Variants in ZFPM2 observed in about 807,000 individuals in gnomAD.
ZFPM2 encodes the protein zinc finger protein ZFPM2.
In ZFPM2, 20 loss-of-function variants were observed where a neutral mutation model predicts 98.6. That is an observed-to-expected ratio of 0.20 (90% CI 0.14 to 0.29). The LOEUF (loss-of-function observed/expected upper bound fraction) is 0.29. Among genes scored for constraint, ZFPM2 ranks in the 10% least tolerant of loss-of-function variants. The pLI is 1.00. For missense variants in ZFPM2, 1,310 were observed against 1,388.6 expected, an observed-to-expected ratio of 0.94 and a Z score of 0.90; for synonymous variants, 518 against 502.7, an observed-to-expected ratio of 1.03 and a Z score of -0.41.
At chr8:105,716,624 T>C (rs1811529951) in intron 5 of ZFPM2, among the ~76,000 whole-genome samples, 1 of 152,028 alleles carries the variant, frequency 6.6e-6, no homozygotes, top group African/African-American at 2.4e-5. Flanking sequence ...GTGCTCTTAT[T>C]ATCAAGGATT....
chr8:105,448,519 A>AT (rs537018995), intron 3 of ZFPM2, among the ~76,000 whole-genome samples: 105 of 151,990 alleles, frequency 6.9e-4, no homozygotes, highest in African/African-American at 2.4e-3. Context: ...CTGTATTCTC[A>AT]TTTTTTTGAT....
intron 1 of ZFPM2, among the ~76,000 whole-genome samples, chr8:105,323,149 C>G (rs1232477816): frequency 1.3e-5 from 2 of 151,808 alleles, no homozygotes; most frequent in East Asian, 3.9e-4. Context: ...AGTCTTTCTT[C>G]TATTGATATT....
intron 2 of ZFPM2, among the ~76,000 whole-genome samples, chr8:105,443,268 C>T (rs1212313317): frequency 6.9e-6 from 1 of 143,970 alleles, no homozygotes; most frequent in Non-Finnish European, 1.5e-5. Context: ...GAAATTGCAC[C>T]ATTGCACTCC....
chr8:105,492,298 C>T (rs1278949396), intron 3 of ZFPM2, among the ~76,000 whole-genome samples: 1 of 152,114 alleles, frequency 6.6e-6, no homozygotes, highest in Non-Finnish European at 1.5e-5. Context: ...TATCTGTATA[C>T]CAATTACATA....
intron 4 of ZFPM2, among the ~76,000 whole-genome samples, chr8:105,613,872 A>G (rs1353841433): frequency 1.3e-5 from 2 of 152,206 alleles, no homozygotes; most frequent in Non-Finnish European, 2.9e-5. Context: ...TGGAAGGTAC[A>G]TGAGAAGTTA....
intron 4 of ZFPM2, among the ~76,000 whole-genome samples, chr8:105,611,471 T>G (rs1482459664): frequency 6.6e-6 from 1 of 152,058 alleles, no homozygotes; most frequent in Non-Finnish European, 1.5e-5. Flanking sequence ...TTTTGGCACA[T>G]GGAGTAATTT....
chr8:105,349,180 G>A (rs1336761180), intron 1 of ZFPM2, among the ~76,000 whole-genome samples: 1 of 152,014 alleles, frequency 6.6e-6, no homozygotes, highest in Non-Finnish European at 1.5e-5. Context: ...TTTAAGGCCA[G>A]AATTCTGAAA....
intron 5 of ZFPM2, among the ~76,000 whole-genome samples, chr8:105,750,471 A>T (rs1812450644): frequency 6.6e-6 from 1 of 152,092 alleles, no homozygotes; most frequent in Admixed American, 6.6e-5. Flanking sequence ...TACGTTTTAA[A>T]ATTAATATCA....
intron 4 of ZFPM2, among the ~76,000 whole-genome samples, chr8:105,581,933 A>T (rs1815610565): frequency 6.6e-6 from 1 of 152,180 alleles, no homozygotes; most frequent in South Asian, 2.1e-4. Context: ...ATCCCAACCT[A>T]TTCTGTTTAA....
At chr8:105,380,594 A>G (rs1207041687) in intron 1 of ZFPM2, among the ~76,000 whole-genome samples, 1 of 53,178 alleles carries the variant, frequency 1.9e-5, no homozygotes, top group Non-Finnish European at 3.3e-5. Context: ...CTATCGGTAT[A>G]TATATATTAT....
At chr8:105,449,786 C>T (rs1214756852) in intron 3 of ZFPM2, among the ~76,000 whole-genome samples, 2 of 151,988 alleles carry the variant, frequency 1.3e-5, no homozygotes, top group African/African-American at 2.4e-5. Flanking sequence ...TGAGATTTTA[C>T]ATCTAAAGCA....
chr8:105,589,712 TC>T (rs1230794046), intron 4 of ZFPM2, among the ~76,000 whole-genome samples: 1 of 152,140 alleles, frequency 6.6e-6, no homozygotes, highest in African/African-American at 2.4e-5. Context: ...TTTGGCACTT[TC>T]TCTTTAACTC....
At chr8:105,502,316 A>G (rs1813612048) in intron 3 of ZFPM2, among the ~76,000 whole-genome samples, 1 of 152,184 alleles carries the variant, frequency 6.6e-6, no homozygotes, top group South Asian at 2.1e-4. Context: ...ATTAGAAAAG[A>G]ATATCAATTA....
At chr8:105,565,769 T>TA (rs1430889119) in intron 4 of ZFPM2, among the ~76,000 whole-genome samples, 4 of 152,236 alleles carry the variant, frequency 2.6e-5, no homozygotes, top group African/African-American at 7.2e-5. Context: ...AAGCACTCTT[T>TA]AAATTAAACA....
intron 1 of ZFPM2, chr8:105,415,130 C>G (rs1811656206): frequency 6.6e-6 from 1 of 152,046 alleles, no homozygotes; most frequent in Non-Finnish European, 1.5e-5. Context: ...TGGAAGTACT[C>G]AGTACTACTT....
At chr8:105,527,674 C>T (rs1814204801) in intron 3 of ZFPM2, among the ~76,000 whole-genome samples, 1 of 152,142 alleles carries the variant, frequency 6.6e-6, no homozygotes, top group Non-Finnish European at 1.5e-5. Flanking sequence ...GGTTCTGAGA[C>T]ATATGCTGGA....
At chr8:105,716,460 ATGTC>A (rs1219916427) in intron 5 of ZFPM2, among the ~76,000 whole-genome samples, 1 of 152,036 alleles carries the variant, frequency 6.6e-6, no homozygotes, top group African/African-American at 2.4e-5. Context: ...GTTTACATAT[ATGTC>A]TGTGTTATAT....
At chr8:105,378,492 C>A (rs965132063) in intron 1 of ZFPM2, among the ~76,000 whole-genome samples, 1 of 152,160 alleles carries the variant, frequency 6.6e-6, no homozygotes, top group African/African-American at 2.4e-5. Context: ...GCTGCAAACT[C>A]TTTAAGATGA....
chr8:105,548,389 A>G (rs758039295), intron 3 of ZFPM2, among the ~76,000 whole-genome samples: 4 of 152,172 alleles, frequency 2.6e-5, no homozygotes, highest in Non-Finnish European at 5.9e-5. Flanking sequence ...TTTTTAGACT[A>G]TTTTGTCCAA....
Sources: gnomAD v4.1 joint callset for allele counts (sites outside exome capture counted in the v4.1 genomes callset) on GRCh38, gnomAD v4.1.1 for gene constraint, MANE v1.5 for transcripts, NCBI Gene and HGNC (gene_info 2026-07-23, HGNC 2026-07-21) for gene names.